KLHL32: variants seen among roughly 807,000 people sequenced by gnomAD.
The protein encoded by KLHL32 is kelch-like protein 32.
Under a neutral mutation model 64.8 loss-of-function variants are expected in KLHL32, and 35 were observed. That is an observed-to-expected ratio of 0.54 (90% CI 0.41 to 0.72). The LOEUF is 0.72. Among genes scored for constraint, KLHL32 ranks in the 30% least tolerant of loss-of-function variants. The pLI is 0.00. For synonymous variants in KLHL32, 259 were observed against 281.0 expected, an observed-to-expected ratio of 0.92 and a Z score of 0.78; for missense variants, 589 against 768.5, an observed-to-expected ratio of 0.77 and a Z score of 2.76.
intron 5 of KLHL32, among the ~76,000 whole-genome samples, chr6:97,074,331 C>G (rs1791244879): frequency 6.6e-6 from 1 of 152,102 alleles, no homozygotes; most frequent in African/African-American, 2.4e-5. Flanking sequence ...TTTGAGAACT[C>G]CCGCTCTAGA....
At chr6:97,023,127 T>A (rs941308425) in intron 3 of KLHL32, among the ~76,000 whole-genome samples, 8 of 152,302 alleles carry the variant, frequency 5.3e-5, no homozygotes, top group African/African-American at 1.9e-4. Flanking sequence ...AGGATTACAA[T>A]TTGAGATGAG....
At chr6:97,053,082 A>T (rs1021030150) in intron 4 of KLHL32, among the ~76,000 whole-genome samples, 1 of 149,736 alleles carries the variant, frequency 6.7e-6, no homozygotes, top group African/African-American at 2.5e-5. Flanking sequence ...ATGAGGATGG[A>T]TACACACACA....
chr6:96,967,177 T>G, intron 2 of KLHL32, 94 bp downstream of exon 2: 1 of 1,101,280 alleles, frequency 9.1e-7, no homozygotes, highest in Non-Finnish European at 1.3e-6. Context: ...AGGGGCTTAA[T>G]GCATATTTGA....
intron 1 of KLHL32, among the ~76,000 whole-genome samples, chr6:96,931,867 A>G (rs930111977): frequency 1.3e-5 from 2 of 150,026 alleles, no homozygotes; most frequent in African/African-American, 2.4e-5. Flanking sequence ...CAGCAAAGTT[A>G]CAAAATCATT....
At chr6:97,041,781 T>G (rs1238061592) in intron 4 of KLHL32, among the ~76,000 whole-genome samples, 182 bp downstream of exon 4, 2 of 152,234 alleles carry the variant, frequency 1.3e-5, no homozygotes, top group African/African-American at 4.8e-5. Flanking sequence ...GCAATTTGAT[T>G]TTTTAATATG....
chr6:97,124,464 G>C (rs985016103), intron 7 of KLHL32, among the ~76,000 whole-genome samples: 1 of 152,138 alleles, frequency 6.6e-6, no homozygotes, highest in African/African-American at 2.4e-5. Flanking sequence ...ATTCTGAAAA[G>C]CATAGAGATA....
rs1786635292 is a variant in KLHL32, at chr6:97,050,160, C to A, written c.312+8561C>A. Among the ~76,000 whole-genome samples the A allele has an allele frequency of 2.6e-5, 4 of 152,276 alleles. No individual in the cohort carries two copies. The South Asian group carries it at 8.3e-4, about 32-fold the overall frequency. ...ACTGTGGCCACCCTTCTAAGATCAG[C>A]TTTCCAATTCAGTATGTTTTGATTT... On this transcript the variant is annotated intron_variant, in intron 4 of 10. Transcript: ENST00000369261.
At position 96,945,088 on chromosome 6, in the gene KLHL32, TA is replaced by T. The variant is rs141247610; in HGVS notation, c.-66+20063del. Among the ~76,000 whole-genome samples the T allele has an allele frequency of 2.8e-3, 429 of 152,374 alleles. 14 individuals are homozygous for T. In the East Asian group the frequency reaches 0.07, roughly 25 times the overall value. On this transcript the variant is annotated intron_variant, in intron 1 of 10. Coordinates refer to ENST00000369261, the MANE Select transcript of KLHL32 (RefSeq NM_052904.4). ...AATTTCTAGGTCTCTTGTTATAAAC[TA>T]CTTAAAATATTTTTGTTTTAATTTG... is the stretch of plus-strand genomic sequence containing the variant.
intron 5 of KLHL32, among the ~76,000 whole-genome samples, chr6:97,081,950 G>A (rs988472261): frequency 1.3e-5 from 2 of 152,054 alleles, no homozygotes; most frequent in East Asian, 1.9e-4. Context: ...TGTGAAGATC[G>A]CAGTGCCCCG....
the KLHL32 span, among the ~76,000 whole-genome samples, chr6:96,902,155 A>G: frequency 4.6e-5 from 7 of 152,190 alleles, no homozygotes; most frequent in South Asian, 2.1e-4. Context: ...TTTCTGGGGA[A>G]TTGCCACACT....
chr6:96,898,615 A>G, the KLHL32 span, among the ~76,000 whole-genome samples: 1 of 151,604 alleles, frequency 6.6e-6, no homozygotes, highest in African/African-American at 2.4e-5. Flanking sequence ...TCCCTCTCCT[A>G]TTTCTCTTCT....
chr6:96,992,857 A>G (rs1778041666), intron 3 of KLHL32, among the ~76,000 whole-genome samples: 2 of 152,258 alleles, frequency 1.3e-5, no homozygotes, highest in African/African-American at 4.8e-5. Context: ...GATATAAAGT[A>G]GAAGAGCTGA....
chr6:97,106,400 A>G (rs748448516), intron 6 of KLHL32, among the ~76,000 whole-genome samples: 283 of 152,250 alleles, frequency 1.9e-3, no homozygotes, highest in Non-Finnish European at 3.4e-3. Context: ...TGTTCTGTAT[A>G]TTTTTGGGTC....
chr6:97,007,922 A>G (rs1028378070), intron 3 of KLHL32, among the ~76,000 whole-genome samples: 3 of 152,114 alleles, frequency 2.0e-5, no homozygotes, highest in African/African-American at 7.2e-5. Context: ...CCACTAAATT[A>G]CTTCATCAAG....
At chr6:97,100,838 C>A (rs1038097960) in intron 6 of KLHL32, among the ~76,000 whole-genome samples, 7 of 128,840 alleles carry the variant, frequency 5.4e-5, no homozygotes, top group Admixed American at 1.9e-4. Flanking sequence ...CGGTCTTGCT[C>A]TGTTGCCCAG....
chr6:96,915,577 C>T, the KLHL32 span, among the ~76,000 whole-genome samples: 1 of 151,882 alleles, frequency 6.6e-6, no homozygotes, highest in Admixed American at 6.6e-5. Flanking sequence ...AGATAAAAAG[C>T]TGGATTTTAG....
chr6:97,037,223 GTGAAAGGTT>G (rs1167365088), intron 3 of KLHL32, among the ~76,000 whole-genome samples: 2 of 151,938 alleles, frequency 1.3e-5, no homozygotes, highest in African/African-American at 4.8e-5. Flanking sequence ...GTTTCTAACA[GTGAAAGGTT>G]TAACTATAAA....
chr6:97,063,591 C>G (rs1269200146), intron 4 of KLHL32, among the ~76,000 whole-genome samples: 1 of 152,140 alleles, frequency 6.6e-6, no homozygotes, highest in Non-Finnish European at 1.5e-5. Flanking sequence ...GAGAAAGGAG[C>G]GTGCTGAAGT....
At chr6:96,919,231 T>G in the KLHL32 span, among the ~76,000 whole-genome samples, 4 of 152,202 alleles carry the variant, frequency 2.6e-5, no homozygotes, top group African/African-American at 4.8e-5. Flanking sequence ...AGTATCTTCT[T>G]CACTTTATTT....
Sources: allele counts gnomAD v4.1 joint callset (sites outside exome capture counted in the v4.1 genomes callset), GRCh38; gene constraint gnomAD v4.1.1; transcripts MANE v1.5; gene names NCBI Gene and HGNC (gene_info 2026-07-23, HGNC 2026-07-21).